The following AFG2A variants were observed in gnomAD, a reference collection of about 807,000 sequenced individuals.
AFG2A encodes ATPase family gene 2 protein homolog A.
the AFG2A span, among the ~76,000 whole-genome samples, chr4:123,264,546 A>G: frequency 2.0e-5 from 3 of 152,276 alleles, no homozygotes; most frequent in African/African-American, 7.2e-5. Context: ...TTTAGTGGCT[A>G]AAATATGGCT....
the AFG2A span, among the ~76,000 whole-genome samples, chr4:123,299,758 CAAATT>C: frequency 6.6e-6 from 1 of 152,066 alleles, no homozygotes; most frequent in African/African-American, 2.4e-5. Flanking sequence ...TGTACATACT[CAAATT>C]TACTCAACTT....
chr4:122,973,376 T>C, the AFG2A span, among the ~76,000 whole-genome samples: 249 of 152,290 alleles, frequency 1.6e-3, 1 homozygote, highest in Middle Eastern at 0.014. Flanking sequence ...TAAATTCAAG[T>C]ACTTAATACA....
chr4:123,225,429 G>C, the AFG2A span, among the ~76,000 whole-genome samples: 2 of 152,240 alleles, frequency 1.3e-5, no homozygotes, highest in East Asian at 3.9e-4. Flanking sequence ...TTCTACATAT[G>C]GCTAGCCAGT....
the AFG2A span, among the ~76,000 whole-genome samples, chr4:123,218,500 T>C: frequency 1.5e-4 from 23 of 152,314 alleles, no homozygotes; most frequent in African/African-American, 5.5e-4. Flanking sequence ...AACTCCTTCG[T>C]GGTGGAGATG....
At chr4:123,217,940 C>T in the AFG2A span, among the ~76,000 whole-genome samples, 1 of 152,192 alleles carries the variant, frequency 6.6e-6, no homozygotes, top group Non-Finnish European at 1.5e-5. Flanking sequence ...CTCAGGATTA[C>T]ATCTGAGCTG....
the AFG2A span, among the ~76,000 whole-genome samples, chr4:123,270,281 C>T: frequency 6.6e-6 from 1 of 152,104 alleles, no homozygotes; most frequent in Non-Finnish European, 1.5e-5. Flanking sequence ...TCTTCCTGTG[C>T]ACCATGAAAA....
At chr4:123,250,806 T>C in the AFG2A span, among the ~76,000 whole-genome samples, 1 of 152,218 alleles carries the variant, frequency 6.6e-6, no homozygotes, top group African/African-American at 2.4e-5. Context: ...GCTTCTTTTT[T>C]CATTGAGTTG....
the AFG2A span, among the ~76,000 whole-genome samples, chr4:123,305,645 G>A: frequency 6.6e-6 from 1 of 152,152 alleles, no homozygotes. Context: ...CCTTCCTGTT[G>A]ATTAGTTTTT....
At chr4:122,980,181 G>A in the AFG2A span, among the ~76,000 whole-genome samples, 4 of 151,964 alleles carry the variant, frequency 2.6e-5, no homozygotes, top group Admixed American at 2.6e-4. Flanking sequence ...TTATATAAAT[G>A]GAATCATACT....
the AFG2A span, among the ~76,000 whole-genome samples, chr4:123,240,052 A>G: frequency 6.6e-6 from 1 of 152,224 alleles, no homozygotes; most frequent in African/African-American, 2.4e-5. Context: ...AGCAGGCTTT[A>G]AACCAACAAA....
the AFG2A span, among the ~76,000 whole-genome samples, chr4:123,287,061 C>T: frequency 6.6e-6 from 1 of 152,016 alleles, no homozygotes; most frequent in South Asian, 2.1e-4. Flanking sequence ...ACACCTCTAC[C>T]GGCAGGCCCC....
the AFG2A span, among the ~76,000 whole-genome samples, chr4:123,185,839 C>T: frequency 1.3e-5 from 2 of 151,518 alleles, no homozygotes; most frequent in African/African-American, 4.8e-5. Flanking sequence ...TACAGTGAGC[C>T]GAGATCGCGC....
chr4:123,198,602 C>A, the AFG2A span, among the ~76,000 whole-genome samples: 1 of 152,096 alleles, frequency 6.6e-6, no homozygotes, highest in African/African-American at 2.4e-5. Context: ...CTAAAAATTA[C>A]CATTAATTAG....
At chr4:123,268,581 G>A in the AFG2A span, among the ~76,000 whole-genome samples, 1 of 152,174 alleles carries the variant, frequency 6.6e-6, no homozygotes. Context: ...TTTATCAACA[G>A]CAGAAGCTGT....
At chr4:123,273,358 G>T in the AFG2A span, among the ~76,000 whole-genome samples, 124,819 of 152,100 alleles carry the variant, frequency 0.82, 51,636 homozygotes, top group Non-Finnish European at 0.86. Flanking sequence ...CTATAGATCA[G>T]CTTAATGGAG....
the AFG2A span, among the ~76,000 whole-genome samples, chr4:123,305,082 G>C: frequency 6.6e-6 from 1 of 152,114 alleles, no homozygotes; most frequent in African/African-American, 2.4e-5. Flanking sequence ...TTCATCTTCT[G>C]ACACATTTTA....
chr4:123,155,508 G>A, the AFG2A span, among the ~76,000 whole-genome samples: 4 of 151,748 alleles, frequency 2.6e-5, no homozygotes, highest in African/African-American at 7.3e-5. Flanking sequence ...TATGCAATTG[G>A]CCTTGTGTAT....
the AFG2A span, among the ~76,000 whole-genome samples, chr4:123,061,455 A>G: frequency 2.6e-5 from 4 of 152,196 alleles, no homozygotes; most frequent in Non-Finnish European, 2.9e-5. Flanking sequence ...TGAAGGAGGA[A>G]CAAAGGCATG....
the AFG2A span, among the ~76,000 whole-genome samples, chr4:123,028,608 G>A: frequency 4.3e-4 from 65 of 152,178 alleles, no homozygotes; most frequent in African/African-American, 1.4e-3. Context: ...ACATTGGGAA[G>A]ACTGCTTTAT....
Sources: gnomAD v4.1 joint callset for allele counts (sites outside exome capture counted in the v4.1 genomes callset) on GRCh38, gnomAD v4.1.1 for gene constraint, MANE v1.5 for transcripts, NCBI Gene and HGNC (gene_info 2026-07-23, HGNC 2026-07-21) for gene names.